HSD17B2: variants seen among roughly 807,000 people sequenced by gnomAD.
HSD17B2 encodes the protein hydroxysteroid 17-beta dehydrogenase 2, also known as 17-beta-hydroxysteroid dehydrogenase type 2.
HSD17B2 carries 32 observed loss-of-function variants against 26.9 expected under a neutral mutation model. That is an observed-to-expected ratio of 1.19 (90% confidence interval 0.90 to 1.60). The LOEUF is 1.60. HSD17B2 is among the 40% of genes most tolerant of loss of function. The probability of loss-of-function intolerance (pLI) is 0.00; values close to 1 mark genes in which losing one functional copy is unlikely to be tolerated. For synonymous variants in HSD17B2, 246 were observed against 186.7 expected (o/e 1.32, Z -2.59); for missense variants, 613 against 468.6 (o/e 1.31, Z -2.85).
chr16:82,075,170 C>T (rs1904294802), intron 3 of HSD17B2, among the ~76,000 whole-genome samples: 1 of 151,830 alleles, frequency 6.6e-6, no homozygotes, highest in African/African-American at 2.4e-5. Flanking sequence ...ATCAAACATA[C>T]CAAAACCCAT....
At chr16:82,097,742 C>G (rs552458265) in intron 4 of HSD17B2, 2 of 163,956 alleles carry the variant, frequency 1.2e-5, no homozygotes, top group African/African-American at 4.8e-5. Flanking sequence ...AGTTCAAGAC[C>G]AGCCTGGCCA....
intron 2 of HSD17B2, among the ~76,000 whole-genome samples, chr16:82,069,104 C>A (rs1914638922): frequency 6.6e-6 from 1 of 152,094 alleles, no homozygotes; most frequent in Non-Finnish European, 1.5e-5. Context: ...GGGTTGTTCC[C>A]CACCATGCGT....
intron 1 of HSD17B2, among the ~76,000 whole-genome samples, chr16:82,060,152 G>A (rs969651959): frequency 1.3e-5 from 2 of 152,192 alleles, no homozygotes; most frequent in African/African-American, 2.4e-5. Flanking sequence ...AACAGGCAAT[G>A]TCAACATGAG....
chr16:82,079,528 G>A (rs971322930), intron 3 of HSD17B2, among the ~76,000 whole-genome samples: 27 of 152,178 alleles, frequency 1.8e-4, no homozygotes, highest in African/African-American at 6.5e-4. Flanking sequence ...TCTTTTTAAA[G>A]GTTCTATCTT....
Position 82,065,895 on chromosome 16 carries a change from C to T in HSD17B2, c.266-2275C>T, listed in dbSNP as rs150772830. ...TAGGAAGGATAATTTCTACTGTAGA[C>T]ATTTGGGGAATAATTTTATAAGACA... is the stretch of plus-strand genomic sequence containing the variant. On this transcript the variant is annotated intron_variant, in intron 1 of 4. Coordinates refer to ENST00000199936, the MANE Select transcript of HSD17B2 (RefSeq NM_002153.3). Among the ~76,000 whole-genome samples the T allele has an allele frequency of 1.0e-3, 157 of 152,286 alleles. 1 individual carries two copies. Among genetic ancestry groups the T allele is most frequent in the Admixed American group, 2.5e-3 (39 of 15,304 alleles).
At chr16:82,087,167 A>T (rs1258871700) in intron 3 of HSD17B2, among the ~76,000 whole-genome samples, 1 of 152,190 alleles carries the variant, frequency 6.6e-6, no homozygotes, top group East Asian at 1.9e-4. Flanking sequence ...AGGTTATTCA[A>T]AGTGTCTGAG....
intron 1 of HSD17B2, among the ~76,000 whole-genome samples, chr16:82,051,554 C>T (rs898308209): frequency 1.4e-5 from 2 of 145,320 alleles, no homozygotes; most frequent in African/African-American, 5.1e-5. Flanking sequence ...CAGCACACAT[C>T]GGGGCCTATT....
rs372570633 is a variant in HSD17B2 at position 82,098,289 on chromosome 16, G to A, written c.1017G>A (p.Thr339=). ...ILAKSPFAYY[T]PGKGAYLWIC... ...CGAAGAGCCCTTTTGCCTATTACAC[G>A]CCAGGGAAAGGCGCTTACTTGTGGA... The change falls in exon 5 of 5, where the codon ACG becomes ACA. Residue 339 remains threonine (T), a synonymous_variant. Coordinates refer to ENST00000199936, the MANE Select transcript of HSD17B2 (RefSeq NM_002153.3). 9.8e-5 allele frequency: 158 copies of A among 1,614,144 alleles called. No homozygotes were observed. The highest frequency in any genetic ancestry group is 1.3e-4 in the Non-Finnish European group (152 of 1,179,998).
chr16:82,046,248 A>G (rs1456627067), intron 1 of HSD17B2, among the ~76,000 whole-genome samples: 2 of 152,150 alleles, frequency 1.3e-5, no homozygotes, highest in Non-Finnish European at 2.9e-5. Flanking sequence ...ATAACACAAC[A>G]AACCAATGAA....
At chr16:82,058,451 T>C (rs1914338637) in intron 1 of HSD17B2, among the ~76,000 whole-genome samples, 1 of 152,204 alleles carries the variant, frequency 6.6e-6, no homozygotes, top group Non-Finnish European at 1.5e-5. Context: ...TTTGTAAATC[T>C]AAATTTGCTC....
At chr16:82,089,962 A>T (rs1904635986) in intron 3 of HSD17B2, among the ~76,000 whole-genome samples, 1 of 152,058 alleles carries the variant, frequency 6.6e-6, no homozygotes, top group African/African-American at 2.4e-5. Flanking sequence ...ACTTCCTTAT[A>T]GCTGGTCCAG....
intron 3 of HSD17B2, among the ~76,000 whole-genome samples, chr16:82,085,006 G>C (rs1904484899): frequency 6.6e-6 from 1 of 152,224 alleles, no homozygotes; most frequent in East Asian, 1.9e-4. Context: ...TCATAGGCAT[G>C]AGCTACTGAG....
At chr16:82,041,618 T>C (rs1448977912) in intron 1 of HSD17B2, among the ~76,000 whole-genome samples, 1 of 152,258 alleles carries the variant, frequency 6.6e-6, no homozygotes, top group Non-Finnish European at 1.5e-5. Context: ...AGAGCTTGAC[T>C]TCTGCTCCAG....
intron 1 of HSD17B2, among the ~76,000 whole-genome samples, chr16:82,055,949 C>T (rs1365160640): frequency 2.0e-5 from 3 of 152,136 alleles, no homozygotes; most frequent in Non-Finnish European, 4.4e-5. Context: ...GAAGTGTAAG[C>T]TGGCCCAGGT....
Position 82,073,231 on chromosome 16 carries a change from A to AT in HSD17B2, c.664+2115dup, listed in dbSNP as rs796990351. On this transcript the variant is annotated intron_variant, in intron 3 of 4. Coordinates refer to ENST00000199936, the MANE Select transcript of HSD17B2 (RefSeq NM_002153.3). ...CACTCTTTTATTATTATTATTATTA[A>AT]TTTTTTTTTTTGAGATGGAGTCTCA... is the stretch of plus-strand genomic sequence containing the variant. Among the ~76,000 whole-genome samples the AT allele has an allele frequency of 1.5e-3, 215 of 147,782 alleles. 1 individual carries two copies. In the East Asian group the frequency reaches 0.015, roughly 10 times the overall value.
chr16:82,080,724 TCTC>T (rs773502154), intron 3 of HSD17B2, among the ~76,000 whole-genome samples: 2 of 152,182 alleles, frequency 1.3e-5, no homozygotes, highest in Non-Finnish European at 2.9e-5. Context: ...TTTTCTTTTT[TCTC>T]CTCAAATTTA....
At chr16:82,095,500 T>G (rs1283102001) in intron 4 of HSD17B2, 1 of 152,922 alleles carries the variant, frequency 6.5e-6, no homozygotes, top group Non-Finnish European at 1.5e-5. Context: ...GACCGCAAGC[T>G]TTTTGGAAAG....
At chr16:82,078,960 A>G (rs1904320172) in intron 3 of HSD17B2, among the ~76,000 whole-genome samples, 1 of 152,254 alleles carries the variant, frequency 6.6e-6, no homozygotes, top group African/African-American at 2.4e-5. Flanking sequence ...GTACTATTTG[A>G]TAGCACAACA....
intron 1 of HSD17B2, 31 bp downstream of exon 1, chr16:82,035,720 G>A: frequency 1.2e-6 from 2 of 1,601,830 alleles, no homozygotes; most frequent in Non-Finnish European, 8.5e-7. Flanking sequence ...TTTTCACTGA[G>A]GGTATGATCT....
Sources: allele counts gnomAD v4.1 joint callset (sites outside exome capture counted in the v4.1 genomes callset), GRCh38; gene constraint gnomAD v4.1.1; transcripts MANE v1.5; gene names NCBI Gene and HGNC (gene_info 2026-07-23, HGNC 2026-07-21).